The following C21orf91 variants were observed in gnomAD, a reference collection of about 807,000 sequenced individuals.
C21orf91 encodes protein EURL homolog.
C21orf91 carries 26 observed loss-of-function variants against 32.9 expected under a neutral mutation model. The observed-to-expected ratio is 0.79, with a 90% CI of 0.58 to 1.10. The LOEUF (loss-of-function observed/expected upper bound fraction) is 1.10, where lower values mean the gene tolerates loss of function less well. Ranked by LOEUF, C21orf91 falls within the 50% of genes least tolerant of loss-of-function variation. The probability of loss-of-function intolerance (pLI) is 0.00; values close to 1 mark genes in which losing one functional copy is unlikely to be tolerated. For missense variants in C21orf91, 310 were observed against 341.3 expected (o/e 0.91, Z 0.72); for synonymous variants, 126 against 120.4 (o/e 1.05, Z -0.31).
rs1263238155 is a variant in C21orf91, at chr21:17,806,518, A to C, written c.128-9400T>G. ...CCAAGCTGATGAGTTAGTAAAAAAAAAATGGAGGAGAGGGTAAATAGATGA... is the reference window on the plus strand; with the variant it reads ...CCAAGCTGATGAGTTAGTAAAAAAACAATGGAGGAGAGGGTAAATAGATGA... On this transcript the variant is annotated intron_variant, in intron 2 of 4. Coordinates refer to ENST00000284881, the MANE Select transcript of C21orf91 (RefSeq NM_001100420.2). Among the ~76,000 whole-genome samples, 6 of 152,272 alleles carry C rather than the reference A, an allele frequency of 3.9e-5. No homozygotes were observed. In the East Asian group the frequency reaches 1.2e-3, roughly 29 times the overall value.
chr21:17,800,715 T>C (rs1315960139), intron 2 of C21orf91, among the ~76,000 whole-genome samples: 1 of 152,230 alleles, frequency 6.6e-6, no homozygotes, highest in Non-Finnish European at 1.5e-5. Flanking sequence ...GTACTACAAC[T>C]TGCTTGCTAA....
At chr21:17,812,827 AC>A (rs1201053818) in intron 2 of C21orf91, among the ~76,000 whole-genome samples, 5 of 151,672 alleles carry the variant, frequency 3.3e-5, no homozygotes, top group African/African-American at 4.8e-5. Flanking sequence ...ACAAAAAAAA[AC>A]AAACAAAAAA....
chr21:17,791,938 G>A lies in C21orf91; in HGVS notation c.*1477C>T, dbSNP rs1256492183. On this transcript the variant is annotated 3_prime_UTR_variant, in exon 5 of 5. Transcript: ENST00000284881. The stretch of plus-strand genomic sequence containing the variant: ...ACAAAAAGTTGTTTTCAATTAAACT[G>A]AAGTGTTTCTTTGCTTAAATACTTT... 1 of 152,146 alleles carries A rather than the reference G, an allele frequency of 6.6e-6. No individual in the cohort carries two copies. Among genetic ancestry groups the A allele is most frequent in the East Asian group, 1.9e-4 (1 of 5,200 alleles). The allele number at this position is 152,146 out of a possible 1,614,324, so 9.4% of individuals were successfully genotyped here.
At chr21:17,807,776 C>T (rs1441449468) in intron 2 of C21orf91, among the ~76,000 whole-genome samples, 1 of 152,062 alleles carries the variant, frequency 6.6e-6, no homozygotes, top group Non-Finnish European at 1.5e-5. Flanking sequence ...GATCTGTGGA[C>T]CTTTGAACTT....
At chr21:17,801,171 T>C (rs1392940815) in intron 2 of C21orf91, among the ~76,000 whole-genome samples, 5 of 151,814 alleles carry the variant, frequency 3.3e-5, no homozygotes, top group African/African-American at 7.3e-5. Context: ...GAAAGATAGA[T>C]TGGATAAAGA....
intron 2 of C21orf91, among the ~76,000 whole-genome samples, chr21:17,798,793 C>T (rs1278932048): frequency 6.6e-6 from 1 of 152,164 alleles, no homozygotes; most frequent in Non-Finnish European, 1.5e-5. Context: ...TATTATTACG[C>T]ATTTTAGATA....
At chr21:17,807,392 C>CATGT (rs1392867778) in intron 2 of C21orf91, among the ~76,000 whole-genome samples, 1 of 152,208 alleles carries the variant, frequency 6.6e-6, no homozygotes, top group Non-Finnish European at 1.5e-5. Context: ...GCTTCCTATA[C>CATGT]AGCCTGTGGA....
chr21:17,808,590 A>G (rs961246953), intron 2 of C21orf91, among the ~76,000 whole-genome samples: 4 of 152,248 alleles, frequency 2.6e-5, no homozygotes, highest in Non-Finnish European at 4.4e-5. Context: ...AGCTGCAGGC[A>G]CATAACCCCA....
chr21:17,807,004 TAC>T (rs2062600340), intron 2 of C21orf91, among the ~76,000 whole-genome samples: 1 of 152,224 alleles, frequency 6.6e-6, no homozygotes, highest in Non-Finnish European at 1.5e-5. Flanking sequence ...ATTTATCCAA[TAC>T]ACTTTGTTAA....
At chr21:17,802,638 T>A (rs1036771831) in intron 2 of C21orf91, among the ~76,000 whole-genome samples, 3 of 152,226 alleles carry the variant, frequency 2.0e-5, no homozygotes. Flanking sequence ...TGTCCCATGA[T>A]CCTCTGCTTT....
intron 2 of C21orf91, among the ~76,000 whole-genome samples, chr21:17,807,333 C>A (rs982837410): frequency 1.8e-4 from 27 of 152,236 alleles, no homozygotes; most frequent in African/African-American, 6.5e-4. Context: ...GCCTGCTCCC[C>A]CTTCACCTTC....
In C21orf91 at chr21:17,796,632, C is replaced by T; in HGVS notation, c.614G>A (p.Ser205Asn). ...QAQKKEETIS[S>N]PEANVQTQHP... The stretch of plus-strand genomic sequence containing the variant: ...CTGGGTCTGGACATTAGCCTCTGGA[C>T]TAGAGATTGTCTCTTCTTTTTTCTG... Residue 205 changes from serine to asparagine, a missense_variant, in exon 3 of 5, where the codon AGT becomes AAT. Transcript: ENST00000284881. 1 of 1,614,078 alleles carries T rather than the reference C, an allele frequency of 6.2e-7. No homozygotes were observed. The highest frequency in any genetic ancestry group is 8.5e-7 in the Non-Finnish European group (1 of 1,179,958).
chr21:17,796,816 C>G lies in C21orf91; in HGVS notation c.430G>C (p.Ala144Pro), dbSNP rs36095555. The change falls in exon 3 of 5, where the codon GCA (alanine) becomes CCA (proline). Residue 144 changes from alanine to proline, a missense_variant. Coordinates refer to ENST00000284881, the MANE Select transcript of C21orf91 (RefSeq NM_001100420.2). ...CCTGCACTTCCATCTATCCATTTTG[C>G]AGAATATTTTGGTACTTGGGAGTCA... ...QFDSQVPKYS[A>P]KWIDGSAGGI... is the part of the protein sequence containing the mutation. 4.3e-4 allele frequency: 692 copies of G among 1,613,924 alleles called. 5 individuals carry two copies. In the African/African-American group the frequency reaches 8.4e-3, roughly 19 times the overall value.
intron 2 of C21orf91, among the ~76,000 whole-genome samples, chr21:17,805,303 C>T (rs1194805610): frequency 6.6e-6 from 1 of 152,116 alleles, no homozygotes; most frequent in Non-Finnish European, 1.5e-5. Flanking sequence ...TCTTTTAAAA[C>T]CGTAATGACT....
chr21:17,795,878 G>C (rs369787947), intron 3 of C21orf91, among the ~76,000 whole-genome samples: 22 of 152,134 alleles, frequency 1.4e-4, no homozygotes, highest in African/African-American at 5.3e-4. Context: ...TCTCCTATTC[G>C]GTTTCAGTTT....
At chr21:17,817,566 G>A (rs895539389) in intron 2 of C21orf91, among the ~76,000 whole-genome samples, 2 of 151,760 alleles carry the variant, frequency 1.3e-5, no homozygotes, top group Non-Finnish European at 2.9e-5. Context: ...AACACTAACT[G>A]CACCAACCCA....
At chr21:17,810,413 C>G (rs2062625014) in intron 2 of C21orf91, 1 of 152,146 alleles carries the variant, frequency 6.6e-6, no homozygotes, top group Non-Finnish European at 1.5e-5. Context: ...GTTCTATTGA[C>G]ATAGTTAGTT....
chr21:17,819,079 G>C (rs2062687974), intron 1 of C21orf91: 1 of 152,236 alleles, frequency 6.6e-6, no homozygotes, highest in Admixed American at 6.5e-5. Flanking sequence ...CCCAGCCTCA[G>C]CGTCTCGGGG....
At chr21:17,813,424 C>A (rs139872141) in intron 2 of C21orf91, among the ~76,000 whole-genome samples, 1 of 152,134 alleles carries the variant, frequency 6.6e-6, no homozygotes, top group Non-Finnish European at 1.5e-5. Flanking sequence ...AATTCATCTA[C>A]GACTTAACCA....
Sources: gnomAD v4.1 joint callset for allele counts (sites outside exome capture counted in the v4.1 genomes callset) on GRCh38, gnomAD v4.1.1 for gene constraint, MANE v1.5 for transcripts, NCBI Gene and HGNC (gene_info 2026-07-23, HGNC 2026-07-21) for gene names.